The following OSBPL10 variants were observed in gnomAD, a reference collection of about 807,000 sequenced individuals.
OSBPL10 encodes the protein oxysterol binding protein like 10.
Under a neutral mutation model 81.7 loss-of-function variants are expected in OSBPL10, and 49 were observed. The ratio of observed to expected loss-of-function variants is 0.60; its 90% CI spans 0.48 to 0.76. OSBPL10 has a LOEUF of 0.76. Ranked by LOEUF, OSBPL10 falls within the 30% of genes least tolerant of loss-of-function variation. OSBPL10 has a pLI of 0.00. For synonymous variants in OSBPL10, 419 were observed against 383.6 expected, an observed-to-expected ratio of 1.09 and a Z score of -1.08; for missense variants, 923 against 987.8, an observed-to-expected ratio of 0.93 and a Z score of 0.88.
intron 4 of OSBPL10, among the ~76,000 whole-genome samples, chr3:31,818,429 C>G (rs1008679285): frequency 2.0e-5 from 3 of 152,208 alleles, no homozygotes; most frequent in Admixed American, 6.5e-5. Context: ...AAACTTCTCT[C>G]TCTGTGTGCA....
At chr3:31,752,576 T>C (rs1197007599) in intron 4 of OSBPL10, among the ~76,000 whole-genome samples, 1 of 152,012 alleles carries the variant, frequency 6.6e-6, no homozygotes, top group African/African-American at 2.4e-5. Flanking sequence ...AATCAAATCA[T>C]AGGAGTTAAT....
intron 4 of OSBPL10, among the ~76,000 whole-genome samples, chr3:31,769,394 G>A (rs1260492241): frequency 8.1e-6 from 1 of 123,926 alleles, no homozygotes; most frequent in Non-Finnish European, 1.6e-5. Flanking sequence ...GCAGTGAGCC[G>A]AGATCACGCC....
At chr3:31,703,594 A>T (rs1258521530) in intron 6 of OSBPL10, 1 of 152,234 alleles carries the variant, frequency 6.6e-6, no homozygotes, top group Non-Finnish European at 1.5e-5. Flanking sequence ...CAAGGTGTTT[A>T]AAATTGTCTG....
At chr3:31,794,240 G>A (rs561530631) in intron 4 of OSBPL10, among the ~76,000 whole-genome samples, 39 of 152,316 alleles carry the variant, frequency 2.6e-4, no homozygotes, top group African/African-American at 9.1e-4. Flanking sequence ...TACCTCCTGG[G>A]TTCAAGCAAT....
intron 6 of OSBPL10, among the ~76,000 whole-genome samples, chr3:31,715,615 C>T (rs975245446): frequency 5.3e-5 from 8 of 152,314 alleles, no homozygotes; most frequent in East Asian, 1.9e-4. Flanking sequence ...ACAAACACCT[C>T]CATTTCAAAA....
At chr3:32,046,512 A>G (rs973641366) in exon 2 of OSBPL10, 1 of 152,084 alleles carries the variant, frequency 6.6e-6, no homozygotes, top group Non-Finnish European at 1.5e-5. Context: ...CAATTTAAAG[A>G]CTCTTCTTGC....
At chr3:32,070,869 A>C (rs1398177287) in intron 1 of OSBPL10, among the ~76,000 whole-genome samples, 1 of 151,984 alleles carries the variant, frequency 6.6e-6, no homozygotes, top group Non-Finnish European at 1.5e-5. Context: ...CCCTCATCCC[A>C]GCCTCTCTTT....
chr3:31,754,652 G>C (rs1697835217), intron 4 of OSBPL10, among the ~76,000 whole-genome samples: 1 of 152,000 alleles, frequency 6.6e-6, no homozygotes, highest in South Asian at 2.1e-4. Flanking sequence ...TTCTGTAAAG[G>C]GCCACATGGT....
Position 31,668,754 on chromosome 3 carries a change from T to G in OSBPL10, c.1984A>C (p.Thr662Pro), listed in dbSNP as rs959168707. Residue 662 changes from threonine to proline, a missense_variant, in exon 10 of 12, where the codon ACT (threonine) becomes CCT (proline). Physicochemically the swap from Thr to Pro is conservative, Grantham distance 38. This residue lies in a region of OSBPL10 where 387 missense variants were observed against 436.3 expected (regional missense o/e 0.89). Transcript: ENST00000396556. ...VCKAHGEWNG[T>P]LEFTYNNGET... ...CCATTGTTGTAGGTGAACTCTAAAG[T>G]ACCATTCCATTCCCCATGGGCTTTA... 1 of 1,614,208 alleles carries G rather than the reference T, an allele frequency of 6.2e-7. No individual in the cohort carries two copies. The highest frequency in any genetic ancestry group is 8.5e-7 in the Non-Finnish European group (1 of 1,180,018).
intron 5 of OSBPL10, among the ~76,000 whole-genome samples, chr3:31,745,889 A>G (rs1697505650): frequency 6.6e-6 from 1 of 152,220 alleles, no homozygotes. Context: ...AGTGAAACAA[A>G]GGGCAAAGGG....
At chr3:31,813,974 C>G (rs1699772461) in intron 4 of OSBPL10, among the ~76,000 whole-genome samples, 1 of 152,216 alleles carries the variant, frequency 6.6e-6, no homozygotes, top group Admixed American at 6.5e-5. Context: ...GGGCCTCATC[C>G]CTGTCCACGG....
At chr3:31,827,178 G>A (rs1279777950) in intron 4 of OSBPL10, among the ~76,000 whole-genome samples, 1 of 151,960 alleles carries the variant, frequency 6.6e-6, no homozygotes, top group Non-Finnish European at 1.5e-5. Flanking sequence ...TTCCCAAGTA[G>A]CTGGAATTAC....
intron 3 of OSBPL10, among the ~76,000 whole-genome samples, chr3:31,870,603 C>A (rs1349180605): frequency 1.3e-5 from 2 of 152,338 alleles, no homozygotes; most frequent in Non-Finnish European, 2.9e-5. Flanking sequence ...CCTTGGAGAA[C>A]CTTTATGTCT....
intron 1 of OSBPL10, among the ~76,000 whole-genome samples, chr3:31,905,999 C>G (rs931168904): frequency 6.6e-6 from 1 of 152,050 alleles, no homozygotes. Context: ...AATCTACTCT[C>G]CTGTAGAAGG....
At chr3:31,735,172 C>T (rs1697112486) in intron 5 of OSBPL10, among the ~76,000 whole-genome samples, 1 of 152,232 alleles carries the variant, frequency 6.6e-6, no homozygotes, top group Non-Finnish European at 1.5e-5. Flanking sequence ...CGGTGGCTCC[C>T]ACCTGTAATT....
chr3:31,966,938 AGC>A (rs1698419265), intron 1 of OSBPL10, among the ~76,000 whole-genome samples: 1 of 152,172 alleles, frequency 6.6e-6, no homozygotes. Context: ...CATAATACCA[AGC>A]GCTGACAAGG....
At chr3:31,905,345 A>ATTTTTGTTTTTTTTTTTTTTTTTTTT (rs1696374127) in intron 1 of OSBPL10, among the ~76,000 whole-genome samples, 2 of 94,860 alleles carry the variant, frequency 2.1e-5, no homozygotes, top group African/African-American at 9.4e-5. Flanking sequence ...GAACCTGGTG[A>ATTTTTGTTTTTTTTTTTTTTTTTTTT]TTTTTTTTTT....
chr3:31,841,277 C>T (rs9809615), intron 3 of OSBPL10, among the ~76,000 whole-genome samples: 103,195 of 152,180 alleles, frequency 0.68, 36,131 homozygotes, highest in East Asian at 0.83. Flanking sequence ...AATCCAGACA[C>T]AGGACTTGAG....
chr3:32,055,350 C>T (rs934228401), intron 1 of OSBPL10, among the ~76,000 whole-genome samples: 1 of 151,738 alleles, frequency 6.6e-6, no homozygotes, highest in Non-Finnish European at 1.5e-5. Context: ...ATTACAGGTG[C>T]ATGCCACCAC....
Sources: gnomAD v4.1 joint callset for allele counts (sites outside exome capture counted in the v4.1 genomes callset) on GRCh38, gnomAD v4.1.1 for gene constraint, gnomAD v4.1.1 regional missense constraint, MANE v1.5 for transcripts, NCBI Gene and HGNC (gene_info 2026-07-23, HGNC 2026-07-21) for gene names.